The following CACNA1B variants were observed in gnomAD, a reference collection of about 807,000 sequenced individuals.
The protein encoded by CACNA1B is calcium voltage-gated channel subunit alpha1 B.
Under a neutral mutation model 247.2 loss-of-function variants are expected in CACNA1B, and 70 were observed. That is an observed-to-expected ratio of 0.28 (90% CI 0.23 to 0.35). The LOEUF (loss-of-function observed/expected upper bound fraction) is 0.35, where lower values mean the gene tolerates loss of function less well. CACNA1B is among the 10% of genes least tolerant of loss of function. The pLI is 1.00. For missense variants in CACNA1B, 2,367 were observed against 3,197.4 expected (o/e 0.74, Z 6.26); for synonymous variants, 1,231 against 1,294.4 (o/e 0.95, Z 1.05).
chr9:137,946,218 C>G (rs1277442118), intron 6 of CACNA1B, among the ~76,000 whole-genome samples: 2 of 152,148 alleles, frequency 1.3e-5, no homozygotes, highest in Non-Finnish European at 2.9e-5. Flanking sequence ...TATGTATAAA[C>G]TTCTTTGCAT....
intron 10 of CACNA1B, among the ~76,000 whole-genome samples, chr9:137,960,421 TCAGCCTGAGAGACGGAGGGGGAGGGGA>T (rs1958004839): frequency 2.5e-4 from 3 of 12,034 alleles, no homozygotes; most frequent in African/African-American, 9.8e-4. Context: ...GGAGGGGAGG[TCAGCCTGAGAGACGGAGGGGGAGGGGA>T]GGTCGGCCTG....
chr9:138,036,264 C>T (rs1000173910), intron 20 of CACNA1B, among the ~76,000 whole-genome samples: 2 of 152,128 alleles, frequency 1.3e-5, no homozygotes, highest in Admixed American at 1.3e-4. Context: ...CTCAGCCTCC[C>T]GAGTAGCTGG....
intron 18 of CACNA1B, among the ~76,000 whole-genome samples, chr9:138,022,124 G>A (rs544607223): frequency 6.6e-6 from 1 of 152,198 alleles, no homozygotes; most frequent in East Asian, 1.9e-4. Context: ...CAAGGCCTTC[G>A]GTAGCCCATG....
At chr9:138,004,793 AAAC>A in intron 15 of CACNA1B, among the ~76,000 whole-genome samples, 1 of 152,198 alleles carries the variant, frequency 6.6e-6, no homozygotes, top group Non-Finnish European at 1.5e-5. Context: ...ACAGCAAAAA[AAAC>A]AAATAATCAC....
rs1221579215 is a variant in CACNA1B, at chr9:137,914,412, C to T, written c.623-242C>T. The stretch of plus-strand genomic sequence containing the variant: ...CCTCTGCCTACTTTGAGACACTTCT[C>T]AGTCGACTTCTCTCTAGGACCTTAT... On this transcript the variant is annotated intron_variant, in intron 4 of 46. Coordinates refer to ENST00000371372, the MANE Select transcript of CACNA1B (RefSeq NM_000718.4). This position sits in a 1 kb window ranked among gnomAD's most constrained non-coding sequence, Gnocchi z 4.3. Among the ~76,000 whole-genome samples the T allele has an allele frequency of 6.6e-6, 1 of 152,082 alleles. No homozygotes were observed. Among genetic ancestry groups the T allele is most frequent in the Non-Finnish European group, 1.5e-5 (1 of 68,024 alleles).
At chr9:138,087,403 A>T (rs55882194) in intron 36 of CACNA1B, among the ~76,000 whole-genome samples, 1 of 142,404 alleles carries the variant, frequency 7.0e-6, no homozygotes, top group Non-Finnish European at 1.5e-5. Context: ...AAAAAAAAAA[A>T]GAAAAAGAAA....
At chr9:137,943,369 A>G (rs1957755356) in intron 6 of CACNA1B, among the ~76,000 whole-genome samples, 1 of 152,148 alleles carries the variant, frequency 6.6e-6, no homozygotes, top group Non-Finnish European at 1.5e-5. Context: ...CTGAATGTAA[A>G]TAGTATTTGA....
rs185876219 is a variant in CACNA1B at position 138,121,332 on chromosome 9, C to T, written c.6490-137C>T. On this transcript the variant is annotated intron_variant, in intron 46 of 46. Transcript: ENST00000371372. The surrounding 1 kb of genome is among the most constrained non-coding windows in gnomAD (Gnocchi z 6.8). The stretch of plus-strand genomic sequence containing the variant: ...AGGTGCCTGTTGCCTCCCTGGTCAC[C>T]GCAGCCCGTTGTCCCCCATTGCCTC... The T allele has an allele frequency of 4.9e-4, 319 of 651,470 alleles. 3 individuals carry two copies. Among genetic ancestry groups the T allele is most frequent in the African/African-American group, 4.9e-3 (268 of 54,882 alleles). 40.4% of individuals were successfully genotyped at this position (651,470 alleles called of 1,614,324 possible). A position where few individuals can be genotyped will look rare whatever the true frequency, so the allele number is the denominator to read the frequency against.
rs954072341 is a variant in CACNA1B at position 138,057,936 on chromosome 9, T to C, written c.4106+67T>C. 1.3e-6 allele frequency: 2 copies of C among 1,577,162 alleles called. No individual in the cohort carries two copies. Among genetic ancestry groups the C allele is most frequent in the Admixed American group, 3.5e-5 (2 of 57,794 alleles). ...CCTGAGCTCGGCCTCCCTTCCTCCC[T>C]CTATCCCTGGGCTCAGGCATGGAAG... On this transcript the variant is annotated intron_variant, in intron 27 of 46. Coordinates refer to ENST00000371372, the MANE Select transcript of CACNA1B (RefSeq NM_000718.4). This position sits in a 1 kb window ranked among gnomAD's most constrained non-coding sequence, Gnocchi z 4.0.
intron 36 of CACNA1B, among the ~76,000 whole-genome samples, chr9:138,092,637 C>G (rs1221427159): frequency 6.6e-6 from 1 of 152,046 alleles, no homozygotes; most frequent in Non-Finnish European, 1.5e-5. Context: ...ACGAAGATGA[C>G]AGGATTAAGA....
At chr9:137,991,238 A>C (rs1958428931) in intron 15 of CACNA1B, among the ~76,000 whole-genome samples, 1 of 152,250 alleles carries the variant, frequency 6.6e-6, no homozygotes, top group African/African-American at 2.4e-5. Flanking sequence ...GCATAAAAAA[A>C]TCACAGTTTC....
At chr9:137,925,165 A>T (rs1196930927) in intron 6 of CACNA1B, among the ~76,000 whole-genome samples, 2 of 152,352 alleles carry the variant, frequency 1.3e-5, no homozygotes, top group South Asian at 4.1e-4. Context: ...ACAGGAAATA[A>T]GTTCAACGAT....
At chr9:138,068,258 G>A (rs1455634268) in intron 31 of CACNA1B, among the ~76,000 whole-genome samples, 1 of 152,196 alleles carries the variant, frequency 6.6e-6, no homozygotes, top group Non-Finnish European at 1.5e-5. Context: ...GAGGAGGAAG[G>A]GAGACCCGAG....
chr9:138,049,924 G>A (rs1051999128), intron 24 of CACNA1B: 3 of 452,506 alleles, frequency 6.6e-6, no homozygotes, highest in South Asian at 3.4e-5. Context: ...GGAATACGGC[G>A]GGGAGTTGTG....
chr9:137,904,484 A>G (rs777848625), intron 3 of CACNA1B, among the ~76,000 whole-genome samples: 69 of 148,524 alleles, frequency 4.6e-4, no homozygotes, highest in Non-Finnish European at 8.6e-4. Flanking sequence ...CTCCCACCTT[A>G]GCCTCCTGAG....
intron 10 of CACNA1B, among the ~76,000 whole-genome samples, chr9:137,962,256 T>C (rs1958028734): frequency 6.6e-6 from 1 of 152,050 alleles, no homozygotes; most frequent in Non-Finnish European, 1.5e-5. Flanking sequence ...TGTGTTTATT[T>C]GAATCTTCTC....
intron 11 of CACNA1B, among the ~76,000 whole-genome samples, chr9:137,975,277 A>C (rs2133370096): frequency 6.6e-6 from 1 of 152,272 alleles, no homozygotes; most frequent in East Asian, 1.9e-4. Context: ...TGACAGTGCA[A>C]GGGGACAGTG....
At position 138,052,948 on chromosome 9, in the gene CACNA1B, C is replaced by G. The variant is rs894493429; in HGVS notation, c.3807+760C>G. Among the ~76,000 whole-genome samples, 3 of 152,208 alleles carry G rather than the reference C, an allele frequency of 2.0e-5. No individual in the cohort carries two copies. The highest frequency in any genetic ancestry group is 7.2e-5 in the African/African-American group (3 of 41,446). On this transcript the variant is annotated intron_variant, in intron 25 of 46. Transcript: ENST00000371372. This position sits in a 1 kb window ranked among gnomAD's most constrained non-coding sequence, Gnocchi z 5.1. ...TCCCGTCACAGCTAGATCAGAGCAG[C>G]CTGTGAGGTGTCTTCCCAGCTCTGA... is the stretch of plus-strand genomic sequence containing the variant.
chr9:138,102,888 C>A lies in CACNA1B; in HGVS notation c.5319+81C>A. 1.2e-6 allele frequency: 1 copy of A among 845,298 alleles called. No homozygotes were observed. The highest frequency in any genetic ancestry group is 1.9e-6 in the Non-Finnish European group (1 of 538,014). 52.4% of individuals were successfully genotyped at this position (845,298 alleles called of 1,614,324 possible). ...GTGCTTGCTGGCTCTCCCAGCTCCT[C>A]TCCCTTTCAGGGTGCCCGGCTGTCT... is the stretch of plus-strand genomic sequence containing the variant. On this transcript the variant is annotated intron_variant, in intron 38 of 46. Coordinates refer to ENST00000371372, the MANE Select transcript of CACNA1B (RefSeq NM_000718.4). The surrounding 1 kb of genome is among the most constrained non-coding windows in gnomAD (Gnocchi z 5.4).
Sources: allele counts gnomAD v4.1 joint callset (sites outside exome capture counted in the v4.1 genomes callset), GRCh38; gene constraint gnomAD v4.1.1; non-coding constraint Gnocchi (gnomAD v3.1); transcripts MANE v1.5; gene names NCBI Gene and HGNC (gene_info 2026-07-23, HGNC 2026-07-21).